The following LINGO1 variants were observed in gnomAD, a reference collection of about 807,000 sequenced individuals.
LINGO1 encodes leucine rich repeat and Ig domain containing 1, also known as leucine-rich repeat and immunoglobulin-like domain-containing nogo receptor-interacting protein 1.
Under a neutral mutation model 37.3 loss-of-function variants are expected in LINGO1, and 11 were observed. The observed-to-expected ratio is 0.29, with a 90% CI of 0.19 to 0.49. The LOEUF is 0.49. Ranked by LOEUF, LINGO1 falls within the 20% of genes least tolerant of loss-of-function variation. The pLI is 0.99. For missense variants in LINGO1, 585 were observed against 878.2 expected (o/e 0.67, Z 4.22); for synonymous variants, 387 against 403.0 (o/e 0.96, Z 0.48).
upstream of LINGO1, among the ~76,000 whole-genome samples, chr15:77,820,592 C>A (rs561303400): frequency 6.6e-6 from 1 of 152,220 alleles, no homozygotes; most frequent in Non-Finnish European, 1.5e-5. Flanking sequence ...ACAGGGCTCA[C>A]GGGCTGGCGT....
intron 1 of LINGO1, among the ~76,000 whole-genome samples, chr15:77,624,148 G>A (rs1595999045): frequency 7.8e-6 from 1 of 128,894 alleles, no homozygotes; most frequent in Non-Finnish European, 1.6e-5. Flanking sequence ...TGTGTGTGAT[G>A]TGTGTGAGTG....
chr15:77,665,501 G>C (rs1434063171), intron 3 of LINGO1, among the ~76,000 whole-genome samples: 1 of 152,198 alleles, frequency 6.6e-6, no homozygotes, highest in Non-Finnish European at 1.5e-5. Context: ...TTGAGGCCTG[G>C]GAGCTCTGAG....
intron 2 of LINGO1, among the ~76,000 whole-genome samples, chr15:77,727,287 A>G (rs28835040): frequency 0.11 from 17,042 of 152,238 alleles, 1,138 homozygotes; most frequent in African/African-American, 0.18. Flanking sequence ...GTATGTGCAC[A>G]CTCATGTTCA....
intron 1 of LINGO1, among the ~76,000 whole-genome samples, chr15:77,695,341 A>C (rs1012201514): frequency 2.0e-5 from 3 of 152,146 alleles, no homozygotes; most frequent in Non-Finnish European, 4.4e-5. Flanking sequence ...AGAAGGCGAC[A>C]CAAAGAAAGG....
intron 1 of LINGO1, among the ~76,000 whole-genome samples, chr15:77,746,413 C>A (rs2076315470): frequency 6.6e-6 from 1 of 152,188 alleles, no homozygotes; most frequent in Non-Finnish European, 1.5e-5. Context: ...CTGTCCACTT[C>A]CTGCCTAGAT....
At chr15:77,666,309 G>C (rs1378620687) in intron 3 of LINGO1, among the ~76,000 whole-genome samples, 2 of 152,202 alleles carry the variant, frequency 1.3e-5, no homozygotes, top group Non-Finnish European at 2.9e-5. Flanking sequence ...AACAGCCCTG[G>C]TGGAGGACCT....
intron 3 of LINGO1, among the ~76,000 whole-genome samples, chr15:77,671,707 C>A (rs1317907331): frequency 1.3e-5 from 2 of 152,234 alleles, no homozygotes; most frequent in Non-Finnish European, 2.9e-5. Context: ...TGTCCCAGTT[C>A]AGCCTAAGGA....
intron 2 of LINGO1, among the ~76,000 whole-genome samples, chr15:77,682,709 C>A (rs1294572795): frequency 1.3e-5 from 2 of 152,092 alleles, no homozygotes; most frequent in African/African-American, 2.4e-5. Flanking sequence ...GTCTCAGCTG[C>A]TTCCTATCCT....
At chr15:77,719,251 TG>T (rs1352837414) in intron 2 of LINGO1, among the ~76,000 whole-genome samples, 1 of 149,942 alleles carries the variant, frequency 6.7e-6, no homozygotes, top group Non-Finnish European at 1.5e-5. Flanking sequence ...TCCCCAGGCC[TG>T]GGGTGGCTGG....
At chr15:77,751,392 T>A (rs182653544) in intron 1 of LINGO1, among the ~76,000 whole-genome samples, 9 of 152,324 alleles carry the variant, frequency 5.9e-5, no homozygotes, top group Non-Finnish European at 1.0e-4. Context: ...TTATCTACCT[T>A]GCCCGTGGGG....
intron 2 of LINGO1, among the ~76,000 whole-genome samples, chr15:77,686,854 C>T (rs2075519860): frequency 6.6e-6 from 1 of 152,190 alleles, no homozygotes; most frequent in African/African-American, 2.4e-5. Flanking sequence ...TCACTTGGTG[C>T]TCTCATCACC....
At chr15:77,731,432 C>A (rs1485564428) in intron 2 of LINGO1, among the ~76,000 whole-genome samples, 1 of 152,230 alleles carries the variant, frequency 6.6e-6, no homozygotes, top group Non-Finnish European at 1.5e-5. Flanking sequence ...CTGGTGCCCT[C>A]AGCCCCTTCA....
At chr15:77,774,559 A>G (rs1226399615) in intron 1 of LINGO1, among the ~76,000 whole-genome samples, 1 of 152,078 alleles carries the variant, frequency 6.6e-6, no homozygotes, top group Non-Finnish European at 1.5e-5. Flanking sequence ...CACACACACA[A>G]TCCCGGGTGC....
intron 2 of LINGO1, among the ~76,000 whole-genome samples, chr15:77,718,376 G>A (rs2076009993): frequency 6.6e-6 from 1 of 150,994 alleles, no homozygotes; most frequent in South Asian, 2.1e-4. Flanking sequence ...GCATGGCTGT[G>A]CATGTGATAT....
chr15:77,647,967 A>G (rs1204500845), intron 3 of LINGO1: 3 of 456,114 alleles, frequency 6.6e-6, no homozygotes, highest in Admixed American at 2.4e-5. Flanking sequence ...GGACAGTGAG[A>G]TATCTATTTC....
At chr15:77,757,000 C>T (rs921248955) in intron 1 of LINGO1, among the ~76,000 whole-genome samples, 2 of 152,184 alleles carry the variant, frequency 1.3e-5, no homozygotes, top group Non-Finnish European at 2.9e-5. Context: ...TCAGCCCCTA[C>T]AGTCTGGGAG....
chr15:77,819,694 C>A (rs1031683053), intron 1 of LINGO1, among the ~76,000 whole-genome samples: 1 of 151,138 alleles, frequency 6.6e-6, no homozygotes, highest in African/African-American at 2.4e-5. Context: ...CGGCCCTGGG[C>A]CCCTCCGGGA....
chr15:77,699,749 C>T (rs2075755756), upstream of LINGO1, among the ~76,000 whole-genome samples: 8 of 152,372 alleles, frequency 5.3e-5, no homozygotes, highest in East Asian at 1.9e-4. Context: ...ATCACCTGCA[C>T]ACAGTAAGCA....
intron 3 of LINGO1, among the ~76,000 whole-genome samples, chr15:77,675,581 A>G (rs552542075): frequency 3.0e-4 from 45 of 152,322 alleles, no homozygotes; most frequent in Non-Finnish European, 5.0e-4. Flanking sequence ...GTACATAGAA[A>G]AAAGTGTGGA....
Sources: allele counts gnomAD v4.1 joint callset (sites outside exome capture counted in the v4.1 genomes callset), GRCh38; gene constraint gnomAD v4.1.1; transcripts MANE v1.5; gene names NCBI Gene and HGNC (gene_info 2026-07-23, HGNC 2026-07-21).